Variants in LRP1B observed in about 807,000 individuals in gnomAD.
The protein encoded by LRP1B is low-density lipoprotein receptor-related protein 1B.
A neutral mutation model predicts 556.6 loss-of-function variants in LRP1B; 217 were observed. The ratio of observed to expected loss-of-function variants is 0.39; its 90% CI spans 0.35 to 0.44. The LOEUF is 0.44. Among genes scored for constraint, LRP1B ranks in the 20% least tolerant of loss-of-function variants. The pLI, the probability that LRP1B is intolerant of heterozygous loss-of-function variation, is 1.00. For missense variants in LRP1B, 5,053 were observed against 5,620.8 expected, an observed-to-expected ratio of 0.90 and a Z score of 3.23; for synonymous variants, 2,047 against 1,865.8, an observed-to-expected ratio of 1.10 and a Z score of -2.50.
At chr2:141,414,538 C>T (rs1477639103) in intron 3 of LRP1B, among the ~76,000 whole-genome samples, 1 of 152,138 alleles carries the variant, frequency 6.6e-6, no homozygotes, top group Non-Finnish European at 1.5e-5. Flanking sequence ...TTTTGATTTC[C>T]CCAGCATCCT....
chr2:141,224,351 G>A (rs1210845127), intron 6 of LRP1B, among the ~76,000 whole-genome samples: 1 of 152,134 alleles, frequency 6.6e-6, no homozygotes, highest in Non-Finnish European at 1.5e-5. Context: ...AACAGAGGCT[G>A]CCAAGAGGTA....
chr2:140,672,654 C>A (rs1404532594), intron 41 of LRP1B, among the ~76,000 whole-genome samples: 1 of 152,042 alleles, frequency 6.6e-6, no homozygotes, highest in African/African-American at 2.4e-5. Context: ...GATGGGTTTG[C>A]AGATAAATAG....
At chr2:140,598,146 A>G (rs1003070899) in intron 43 of LRP1B, among the ~76,000 whole-genome samples, 2 of 152,216 alleles carry the variant, frequency 1.3e-5, no homozygotes, top group Non-Finnish European at 2.9e-5. Context: ...TTTTGAACCC[A>G]GAGAAAAGAG....
Position 140,350,919 on chromosome 2 carries a change from T to C in LRP1B, c.11770A>G (p.Thr3924Ala), listed in dbSNP as rs767108029. 1.2e-6 allele frequency: 2 copies of C among 1,611,380 alleles called. No homozygotes were observed. Among genetic ancestry groups the C allele is most frequent in the East Asian group, 4.5e-5 (2 of 44,646 alleles). ...CTTTGATAATATACATCCATCCCTG[T>C]TATTCTTGAATTATGTTCAATATGA... is the stretch of plus-strand genomic sequence containing the variant. ...ISHIEHNSRI[T>A]GMDVYYQRDM... The change falls in exon 77 of 91, where the codon ACA becomes GCA. Residue 3924 changes from threonine to alanine, a missense_variant. By Grantham distance (58) the Thr-to-Ala change is moderately conservative. Coordinates refer to ENST00000389484, the MANE Select transcript of LRP1B (RefSeq NM_018557.3).
intron 11 of LRP1B, among the ~76,000 whole-genome samples, chr2:141,038,223 G>C (rs1243009356): frequency 3.9e-5 from 6 of 152,050 alleles, no homozygotes; most frequent in Non-Finnish European, 8.8e-5. Flanking sequence ...ACGCCCTCCA[G>C]TCCTTCTCCG....
rs186505231 is a variant in LRP1B at position 140,630,814 on chromosome 2, C to A, written c.6800-29175G>T. On this transcript the variant is annotated intron_variant, in intron 41 of 90. Coordinates refer to ENST00000389484, the MANE Select transcript of LRP1B (RefSeq NM_018557.3). ...ATGCTGGAGAAGGGCAATTACCCAG[C>A]TCCTTCTCCTCTAGCCTTAGTGTCT... 1.9e-4 allele frequency among the ~76,000 whole-genome samples: 29 copies of A among 152,320 alleles called. No individual in the cohort carries two copies. In the East Asian group the frequency reaches 3.9e-3, roughly 20 times the overall value.
intron 2 of LRP1B, among the ~76,000 whole-genome samples, chr2:141,532,963 G>A (rs1400546551): frequency 1.3e-5 from 2 of 152,004 alleles, no homozygotes; most frequent in Non-Finnish European, 2.9e-5. Context: ...TCCAACCTAG[G>A]CAACAGAACA....
chr2:140,560,953 A>G (rs993358805), intron 43 of LRP1B, among the ~76,000 whole-genome samples: 1 of 152,138 alleles, frequency 6.6e-6, no homozygotes, highest in African/African-American at 2.4e-5. Flanking sequence ...ATAAATGGGG[A>G]TTTAGTGGAA....
At chr2:140,919,419 G>A (rs1022314005) in intron 21 of LRP1B, among the ~76,000 whole-genome samples, 1 of 152,050 alleles carries the variant, frequency 6.6e-6, no homozygotes, top group East Asian at 1.9e-4. Flanking sequence ...CATCTCTTTA[G>A]GCACATGACT....
At chr2:141,838,684 A>T (rs1340276510) in intron 1 of LRP1B, among the ~76,000 whole-genome samples, 3 of 152,170 alleles carry the variant, frequency 2.0e-5, no homozygotes, top group Non-Finnish European at 4.4e-5. Context: ...GCAACCTTTC[A>T]GGATGAATTT....
chr2:140,501,228 A>T (rs1282304951), intron 55 of LRP1B, among the ~76,000 whole-genome samples: 1 of 151,886 alleles, frequency 6.6e-6, no homozygotes, highest in Non-Finnish European at 1.5e-5. Context: ...TAGTTTATGG[A>T]TTTTTTATGT....
rs1452372531 is a variant in LRP1B at position 140,532,924 on chromosome 2, C to CAGAAGATATATATAT, written c.7762+1096_7762+1097insATATATATATCTTCT. On this transcript the variant is annotated intron_variant, in intron 47 of 90. Transcript: ENST00000389484. ...GGTGTTCTTACGTGTGCAATCACAG[C>CAGAAGATATATATAT]ACAAGATATATATATATATATATAC... 3.7e-3 allele frequency among the ~76,000 whole-genome samples: 202 copies of CAGAAGATATATATAT among 54,990 alleles called. 1 individual carries two copies. The highest frequency in any genetic ancestry group is 0.011 in the African/African-American group (197 of 17,962). 36.1% of individuals were successfully genotyped at this position (54,990 alleles called of 152,430 possible).
chr2:140,525,150 G>A lies in LRP1B; in HGVS notation c.8026+694C>T, dbSNP rs1056466659. On this transcript the variant is annotated intron_variant, in intron 49 of 90. Transcript: ENST00000389484. ...ATGAAAAACATGGGTGTAGCAGCAG[G>A]GTGGAGAGAGGCAAACCAATATGAG... Among the ~76,000 whole-genome samples, 5 of 151,682 alleles carry A rather than the reference G, an allele frequency of 3.3e-5. No homozygotes were observed. The Admixed American group carries it at 3.3e-4, about 10-fold the overall frequency.
intron 1 of LRP1B, among the ~76,000 whole-genome samples, chr2:141,835,550 A>C (rs963239325): frequency 6.6e-6 from 1 of 151,918 alleles, no homozygotes; most frequent in African/African-American, 2.4e-5. Context: ...AATTGCCTAG[A>C]AAGCAAGAAA....
chr2:140,453,359 C>A (rs1404492682), intron 62 of LRP1B, among the ~76,000 whole-genome samples: 1 of 151,950 alleles, frequency 6.6e-6, no homozygotes, highest in Non-Finnish European at 1.5e-5. Context: ...ACAGGAAGAT[C>A]TCTTCTATTT....
intron 5 of LRP1B, among the ~76,000 whole-genome samples, chr2:141,246,464 T>G (rs977220787): frequency 6.6e-6 from 1 of 152,104 alleles, no homozygotes; most frequent in Admixed American, 6.6e-5. Context: ...TAGGTGAAAG[T>G]TATTGGGAGA....
At chr2:141,869,299 C>T (rs1294027061) in intron 1 of LRP1B, among the ~76,000 whole-genome samples, 1 of 151,972 alleles carries the variant, frequency 6.6e-6, no homozygotes, top group Admixed American at 6.6e-5. Flanking sequence ...TAAATAACCC[C>T]ATGTGGCTAG....
At chr2:140,287,802 G>T (rs1342331822) in intron 84 of LRP1B, among the ~76,000 whole-genome samples, 1 of 151,488 alleles carries the variant, frequency 6.6e-6, no homozygotes, top group Non-Finnish European at 1.5e-5. Context: ...CTCTTAATAG[G>T]TTATTTTCAT....
At chr2:141,246,023 T>C (rs1301899029) in intron 5 of LRP1B, among the ~76,000 whole-genome samples, 1 of 152,212 alleles carries the variant, frequency 6.6e-6, no homozygotes, top group East Asian at 1.9e-4. Flanking sequence ...GTCATAATGC[T>C]TATATTATTC....
Sources: gnomAD v4.1 joint callset for allele counts (sites outside exome capture counted in the v4.1 genomes callset) on GRCh38, gnomAD v4.1.1 for gene constraint, MANE v1.5 for transcripts, NCBI Gene and HGNC (gene_info 2026-07-23, HGNC 2026-07-21) for gene names.